Variants in C7 observed in about 807,000 individuals in gnomAD.
C7 encodes the protein complement C7, also known as complement component C7.
In C7, 83 loss-of-function variants were observed where a neutral mutation model predicts 104.8. The ratio of observed to expected loss-of-function variants is 0.79; its 90% CI spans 0.66 to 0.95. The LOEUF is 0.95. Ranked by LOEUF, C7 falls within the 40% of genes least tolerant of loss-of-function variation. The pLI is 0.00. For synonymous variants in C7, 415 were observed against 360.6 expected (o/e 1.15, Z -1.71); for missense variants, 1,070 against 1,011.2 (o/e 1.06, Z -0.79).
At chr5:40,962,283 A>T (rs1478549312) in intron 13 of C7, 111 bp downstream of exon 13, 3 of 571,158 alleles carry the variant, frequency 5.3e-6, no homozygotes, top group Non-Finnish European at 8.7e-6. Flanking sequence ...AAAATATTTT[A>T]TATATGCATT....
chr5:40,960,471 C>G (rs1417948893), intron 12 of C7, among the ~76,000 whole-genome samples: 5 of 152,100 alleles, frequency 3.3e-5, no homozygotes, highest in Admixed American at 6.6e-5. Flanking sequence ...ACTGAGGAAG[C>G]TGGCAAGCAT....
At chr5:40,912,739 C>T (rs1478597465) in intron 1 of C7, among the ~76,000 whole-genome samples, 2 of 152,080 alleles carry the variant, frequency 1.3e-5, no homozygotes, top group Non-Finnish European at 2.9e-5. Context: ...AGTCAAAGGC[C>T]AAGAACAAGT....
At chr5:40,968,727 T>G (rs966535225) in intron 14 of C7, among the ~76,000 whole-genome samples, 8 of 148,516 alleles carry the variant, frequency 5.4e-5, no homozygotes, top group African/African-American at 2.0e-4. Context: ...TTCTCCTGCC[T>G]CAGCCTCCTG....
intron 14 of C7, among the ~76,000 whole-genome samples, 154 bp from the exon 15 acceptor site, chr5:40,972,248 TG>T (rs771025601): frequency 7.2e-5 from 11 of 152,176 alleles, no homozygotes; most frequent in Admixed American, 1.3e-4. Context: ...CTGTGTGACA[TG>T]TCTTTCAGTC....
At chr5:40,944,152 C>T (rs548446862) in intron 6 of C7, among the ~76,000 whole-genome samples, 87 of 152,194 alleles carry the variant, frequency 5.7e-4, no homozygotes, top group Non-Finnish European at 8.2e-4. Context: ...GGATCTCAAA[C>T]GCAGATGTGT....
At chr5:40,959,407 C>T (rs887999313) in intron 11 of C7, 42 bp from the exon 12 acceptor site, 6 of 1,568,144 alleles carry the variant, frequency 3.8e-6, no homozygotes, top group East Asian at 4.6e-5. Context: ...TTCCCAAGCC[C>T]TCTTTAAGAA....
chr5:40,911,722 C>T (rs1020316927), intron 1 of C7, among the ~76,000 whole-genome samples: 3 of 151,380 alleles, frequency 2.0e-5, no homozygotes, highest in African/African-American at 7.3e-5. Context: ...AAAAATACCA[C>T]ACACTTTTTC....
At chr5:40,951,238 A>G (rs1740163073) in intron 9 of C7, among the ~76,000 whole-genome samples, 1 of 150,504 alleles carries the variant, frequency 6.6e-6, no homozygotes. Flanking sequence ...TTACTTGTTA[A>G]GTTAAGTTCC....
chr5:40,945,597 G>A (rs1250799454), intron 7 of C7, among the ~76,000 whole-genome samples: 3 of 151,876 alleles, frequency 2.0e-5, no homozygotes, highest in South Asian at 2.1e-4. Flanking sequence ...AGTGGTTCAC[G>A]CCTATAATCC....
chr5:40,979,959 C>G, intron 17 of C7, 50 bp downstream of exon 17: 1 of 1,452,010 alleles, frequency 6.9e-7, no homozygotes. Context: ...AGTCACAGTA[C>G]TGAGGATTTA....
intron 14 of C7, among the ~76,000 whole-genome samples, chr5:40,967,092 G>A (rs1174133265): frequency 1.3e-5 from 2 of 149,108 alleles, no homozygotes; most frequent in Non-Finnish European, 3.0e-5. Context: ...CTTTGAGATG[G>A]AGTCTTGCTT....
rs113187203 is a variant in C7, at chr5:40,972,580, G to A, written c.2060G>A (p.Arg687His). 3.0e-4 allele frequency: 481 copies of A among 1,600,136 alleles called. 3 individuals are homozygous for A. In the African/African-American group the frequency reaches 5.5e-3, roughly 18 times the overall value. Reference sequence around the variant, plus strand: ...TGGAGTCCTGAGATGAAGAATGCCCGCTGTGTACAAAAAGGTGAGTGGCTT... The same window carrying A: ...TGGAGTCCTGAGATGAAGAATGCCCACTGTGTACAAAAAGGTGAGTGGCTT... Reference protein sequence around the residue: ...LKWSPEMKNARCVQKENPLTQ... With the variant: ...LKWSPEMKNAHCVQKENPLTQ... The change falls in exon 15 of 18, where the codon CGC becomes CAC. Residue 687 changes from arginine to histidine, a missense_variant. Physicochemically the swap from Arg to His is conservative, Grantham distance 29 (BLOSUM62 0). Coordinates refer to ENST00000313164, the MANE Select transcript of C7 (RefSeq NM_000587.4).
chr5:40,973,936 G>A (rs1490248276), intron 15 of C7, among the ~76,000 whole-genome samples: 1 of 152,164 alleles, frequency 6.6e-6, no homozygotes, highest in Non-Finnish European at 1.5e-5. Flanking sequence ...TTCTGAAGAT[G>A]TGAATAACAG....
Position 40,915,753 on chromosome 5 carries a change from A to C in C7, c.6+6137A>C, listed in dbSNP as rs6866117. 2.0e-5 allele frequency among the ~76,000 whole-genome samples: 3 copies of C among 152,338 alleles called. No individual in the cohort carries two copies. The East Asian group carries it at 5.8e-4, about 29-fold the overall frequency. ...CCTTTTCACCCTTTCAGATATGCTA[A>C]TCAGCACAATAGGCTTAAACATTTT... On this transcript the variant is annotated intron_variant, in intron 1 of 17. Transcript: ENST00000313164.
At chr5:40,935,500 A>T (rs553279658) in intron 4 of C7, among the ~76,000 whole-genome samples, 141 of 152,338 alleles carry the variant, frequency 9.3e-4, no homozygotes, top group Middle Eastern at 3.4e-3. Flanking sequence ...CCTGTGAGGC[A>T]GCGATGGTTT....
At chr5:40,916,461 C>A (rs1739318873) in intron 1 of C7, among the ~76,000 whole-genome samples, 1 of 152,164 alleles carries the variant, frequency 6.6e-6, no homozygotes, top group Non-Finnish European at 1.5e-5. Flanking sequence ...TAAAATCAGC[C>A]ATTTGCACTG....
chr5:40,937,386 A>G (rs889797212), intron 5 of C7, 166 bp from the exon 6 acceptor site: 3 of 554,326 alleles, frequency 5.4e-6, no homozygotes, highest in Non-Finnish European at 9.2e-6. Context: ...TATGGTGTGT[A>G]TTAGGATGCT....
Position 40,934,354 on chromosome 5 carries a change from G to A in C7, c.168G>A (p.Gly56=), listed in dbSNP as rs2111590668. 1 of 1,613,272 alleles carries A rather than the reference G, an allele frequency of 6.2e-7. No individual in the cohort carries two copies. The highest frequency in any genetic ancestry group is 1.7e-4 in the Middle Eastern group (1 of 6,058). Residue 56 remains glycine, a synonymous_variant, in exon 4 of 18, where the codon GGG becomes GGA. Coordinates refer to ENST00000313164, the MANE Select transcript of C7 (RefSeq NM_000587.4). ...GCAGGCGGTCAGTTGCTGTGTATGG[G>A]CAGTATGGAGGCCAGCCTTGTGTTG... ...QTRRRSVAVY[G]QYGGQPCVGN...
intron 1 of C7, among the ~76,000 whole-genome samples, chr5:40,920,331 T>C (rs917076254): frequency 2.0e-5 from 3 of 152,062 alleles, no homozygotes; most frequent in African/African-American, 7.2e-5. Flanking sequence ...TACTGTTACA[T>C]TGCAATCCAT....
Sources: gnomAD v4.1 joint callset for allele counts (sites outside exome capture counted in the v4.1 genomes callset) on GRCh38, gnomAD v4.1.1 for gene constraint, MANE v1.5 for transcripts, NCBI Gene and HGNC (gene_info 2026-07-23, HGNC 2026-07-21) for gene names.